The following FYN variants were observed in gnomAD, a reference collection of about 807,000 sequenced individuals.
FYN encodes the protein tyrosine-protein kinase Fyn.
Under a neutral mutation model 70.2 loss-of-function variants are expected in FYN, and 10 were observed. The observed-to-expected ratio is 0.14, with a 90% CI of 0.09 to 0.24. The LOEUF is 0.24. Among genes scored for constraint, FYN ranks in the 10% least tolerant of loss-of-function variants. The pLI, the probability that FYN is intolerant of heterozygous loss-of-function variation, is 1.00. For missense variants in FYN, 319 were observed against 673.1 expected (o/e 0.47, Z 5.82); for synonymous variants, 236 against 248.6 (o/e 0.95, Z 0.48).
rs544777745 is a variant in FYN, at chr6:111,830,444, T to C, written c.-82+16145A>G. 2.6e-5 allele frequency among the ~76,000 whole-genome samples: 4 copies of C among 152,258 alleles called. No individual in the cohort carries two copies. The East Asian group carries it at 5.8e-4, about 22-fold the overall frequency. On this transcript the variant is annotated intron_variant, in intron 2 of 13. Transcript: ENST00000354650. ...CCAAGGAGGTGAGAGCAAGGTAAAG[T>C]GTGTGCCTGCGTGTGGCAGACCACA...
chr6:111,778,599 C>T (rs1289364617), intron 3 of FYN, among the ~76,000 whole-genome samples: 1 of 149,616 alleles, frequency 6.7e-6, no homozygotes, highest in Non-Finnish European at 1.5e-5. Context: ...GATGGCGTCT[C>T]GCTGTGTCAC....
At chr6:111,847,350 C>G (rs906583379) in intron 1 of FYN, among the ~76,000 whole-genome samples, 2 of 152,214 alleles carry the variant, frequency 1.3e-5, no homozygotes, top group African/African-American at 4.8e-5. Flanking sequence ...AGTTTGCTCA[C>G]ACGCTGTGCC....
In FYN at chr6:111,754,962, T is replaced by A. The variant is rs564844970; in HGVS notation, c.-12+25604A>T. On this transcript the variant is annotated intron_variant, in intron 3 of 13. Coordinates refer to ENST00000354650, the MANE Select transcript of FYN (RefSeq NM_002037.5). ...ATTGTTGTGCTTAGACAAGAAAATT[T>A]AAGCTGTTTTTTTTTTTTTTTTAAA... Among the ~76,000 whole-genome samples, 3 of 138,946 alleles carry A rather than the reference T, an allele frequency of 2.2e-5. No homozygotes were observed. In the South Asian group the frequency reaches 7.8e-4, roughly 36 times the overall value. 91.2% of individuals were successfully genotyped at this position (138,946 alleles called of 152,430 possible).
chr6:111,755,958 T>A (rs1802714354), intron 3 of FYN, among the ~76,000 whole-genome samples: 1 of 151,770 alleles, frequency 6.6e-6, no homozygotes, highest in Non-Finnish European at 1.5e-5. Context: ...ACTCAGGAAG[T>A]CAGAAAGTAA....
At chr6:111,734,195 A>G (rs1236123209) in intron 3 of FYN, among the ~76,000 whole-genome samples, 1 of 152,184 alleles carries the variant, frequency 6.6e-6, no homozygotes, top group African/African-American at 2.4e-5. Context: ...TTTTGCACAC[A>G]TTGAGCAGAA....
intron 2 of FYN, among the ~76,000 whole-genome samples, chr6:111,794,134 G>C (rs1771728923): frequency 6.6e-6 from 1 of 152,208 alleles, no homozygotes; most frequent in Admixed American, 6.5e-5. Context: ...GGACACCCGG[G>C]CCTTTCTTTG....
chr6:111,703,423 G>A (rs1799931571), intron 7 of FYN, among the ~76,000 whole-genome samples: 1 of 152,196 alleles, frequency 6.6e-6, no homozygotes, highest in Non-Finnish European at 1.5e-5. Context: ...GGAGGTAGCA[G>A]CAGCATGTGC....
intron 3 of FYN, among the ~76,000 whole-genome samples, chr6:111,729,800 A>G (rs578222101): frequency 3.7e-4 from 56 of 152,350 alleles, no homozygotes; most frequent in African/African-American, 1.0e-3. Flanking sequence ...GGAAGGAAAC[A>G]TGCTGAGATT....
intron 4 of FYN, among the ~76,000 whole-genome samples, chr6:111,715,650 G>A (rs555243406): frequency 6.6e-6 from 1 of 152,208 alleles, no homozygotes; most frequent in South Asian, 2.1e-4. Flanking sequence ...GGTGGCCTCT[G>A]GCCAACAGCC....
intron 3 of FYN, among the ~76,000 whole-genome samples, chr6:111,779,901 C>G (rs1161921647): frequency 6.6e-6 from 1 of 152,190 alleles, no homozygotes; most frequent in African/African-American, 2.4e-5. Flanking sequence ...TCACAACAAC[C>G]CTATGATGTA....
chr6:111,701,403 T>G (rs1429514451), intron 8 of FYN, among the ~76,000 whole-genome samples: 1 of 152,300 alleles, frequency 6.6e-6, no homozygotes, highest in East Asian at 1.9e-4. Context: ...GGGCTGTAAC[T>G]TGCTTTTTAC....
intron 2 of FYN, among the ~76,000 whole-genome samples, chr6:111,841,011 G>A (rs1773342725): frequency 6.6e-6 from 1 of 152,142 alleles, no homozygotes; most frequent in Non-Finnish European, 1.5e-5. Context: ...TTGTAACGTG[G>A]GCAGCATTTC....
intron 2 of FYN, among the ~76,000 whole-genome samples, chr6:111,829,201 G>T (rs963659389): frequency 2.0e-5 from 3 of 152,208 alleles, no homozygotes; most frequent in African/African-American, 7.2e-5. Context: ...TTTCAAAACA[G>T]TCTTAACTCA....
intron 3 of FYN, among the ~76,000 whole-genome samples, chr6:111,777,561 G>A (rs1314919130): frequency 2.0e-5 from 3 of 152,036 alleles, no homozygotes; most frequent in African/African-American, 7.3e-5. Context: ...GATGCCACTA[G>A]CACACACCCT....
chr6:111,775,769 G>A lies in FYN; in HGVS notation c.-12+4797C>T, dbSNP rs145023832. On this transcript the variant is annotated intron_variant, in intron 3 of 13. Transcript: ENST00000354650. ...GTCTGATTCTACCAGTCTGGGGTAG[G>A]CCAGGATCTGTGCGTTTAATGAGCT... Among the ~76,000 whole-genome samples, 236 of 152,280 alleles carry A rather than the reference G, an allele frequency of 1.5e-3. 1 individual carries two copies. The highest frequency in any genetic ancestry group is 5.3e-3 in the African/African-American group (222 of 41,558).
chr6:111,705,384 CTTTTTT>C (rs879920621), intron 6 of FYN, among the ~76,000 whole-genome samples: 1 of 138,160 alleles, frequency 7.2e-6, no homozygotes, highest in Non-Finnish European at 1.6e-5. Context: ...TCTTCTTCTT[CTTTTTT>C]TTTTTTTTTT....
At chr6:111,776,034 C>A (rs1770925197) in intron 3 of FYN, among the ~76,000 whole-genome samples, 1 of 152,180 alleles carries the variant, frequency 6.6e-6, no homozygotes, top group South Asian at 2.1e-4. Flanking sequence ...CTTCTCCTCC[C>A]CCTGTACACA....
intron 4 of FYN, among the ~76,000 whole-genome samples, chr6:111,719,242 T>C (rs1204794504): frequency 6.6e-6 from 1 of 151,642 alleles, no homozygotes; most frequent in Non-Finnish European, 1.5e-5. Flanking sequence ...TTACAAAGTA[T>C]TAGCTAAGTC....
chr6:111,739,234 G>A (rs1219276420), intron 3 of FYN, among the ~76,000 whole-genome samples: 1 of 152,232 alleles, frequency 6.6e-6, no homozygotes, highest in East Asian at 1.9e-4. Flanking sequence ...TGCACGGAGG[G>A]TGGAGACAAT....
Sources: allele counts gnomAD v4.1 joint callset (sites outside exome capture counted in the v4.1 genomes callset), GRCh38; gene constraint gnomAD v4.1.1; transcripts MANE v1.5; gene names NCBI Gene and HGNC (gene_info 2026-07-23, HGNC 2026-07-21).